SH3RF1: variants seen among roughly 807,000 people sequenced by gnomAD.
SH3RF1 encodes SH3 domain containing ring finger 1, also known as E3 ubiquitin-protein ligase SH3RF1.
A neutral mutation model predicts 74.0 loss-of-function variants in SH3RF1; 32 were observed. The observed-to-expected ratio is 0.43, with a 90% confidence interval of 0.33 to 0.58. The LOEUF (loss-of-function observed/expected upper bound fraction) is 0.58. SH3RF1 is among the 20% of genes least tolerant of loss of function. The pLI, the probability that SH3RF1 is intolerant of heterozygous loss-of-function variation, is 0.05. For missense variants in SH3RF1, 954 were observed against 1,130.9 expected, an observed-to-expected ratio of 0.84 and a Z score of 2.24; for synonymous variants, 396 against 439.6, an observed-to-expected ratio of 0.90 and a Z score of 1.24.
At chr4:169,186,147 A>G (rs1420930731) in intron 2 of SH3RF1, among the ~76,000 whole-genome samples, 1 of 152,208 alleles carries the variant, frequency 6.6e-6, no homozygotes, top group Non-Finnish European at 1.5e-5. Context: ...TAAAGGAATG[A>G]TAACTTCTCC....
intron 2 of SH3RF1, among the ~76,000 whole-genome samples, chr4:169,184,902 A>C (rs1187008474): frequency 6.6e-6 from 1 of 152,166 alleles, no homozygotes; most frequent in Admixed American, 6.5e-5. Flanking sequence ...CTGTGAGATA[A>C]ACGGTTTTAT....
intron 11 of SH3RF1, among the ~76,000 whole-genome samples, chr4:169,102,102 C>T (rs1733047631): frequency 6.6e-6 from 1 of 152,204 alleles, no homozygotes. Flanking sequence ...GGGAGGCACT[C>T]AGTTCATCAC....
intron 2 of SH3RF1, among the ~76,000 whole-genome samples, chr4:169,227,778 C>G (rs1730675091): frequency 6.6e-6 from 1 of 152,172 alleles, no homozygotes; most frequent in African/African-American, 2.4e-5. Flanking sequence ...GACCCAGTTA[C>G]TTTTAAGAGG....
chr4:169,204,140 G>A (rs1046722079), intron 2 of SH3RF1: 9 of 152,162 alleles, frequency 5.9e-5, no homozygotes, highest in Admixed American at 4.6e-4. Flanking sequence ...TATCAAATGA[G>A]ATGAGGTAAA....
intron 2 of SH3RF1, among the ~76,000 whole-genome samples, chr4:169,218,131 T>C (rs1395218718): frequency 6.8e-6 from 1 of 147,916 alleles, no homozygotes; most frequent in Non-Finnish European, 1.5e-5. Flanking sequence ...AAGTGTGTAA[T>C]ATATATTATT....
chr4:169,214,181 T>C (rs545061646), intron 2 of SH3RF1, among the ~76,000 whole-genome samples: 2 of 152,302 alleles, frequency 1.3e-5, no homozygotes, highest in East Asian at 3.9e-4. Context: ...GTCCTTGCAA[T>C]AATGAGTGAG....
chr4:169,118,548 C>T (rs1354224087), intron 8 of SH3RF1, among the ~76,000 whole-genome samples: 1 of 152,100 alleles, frequency 6.6e-6, no homozygotes. Flanking sequence ...CTCTGCCTCT[C>T]AGGTTCAAGT....
At position 169,095,072 on chromosome 4, in the gene SH3RF1, A is replaced by G. The variant is rs1732892314; in HGVS notation, c.*1447T>C. Reference sequence around the variant, plus strand: ...GTAATGAAATCGGTGGGAGAGGCCAATGACATCAAGGAATGGATATAAAAA... The same window carrying G: ...GTAATGAAATCGGTGGGAGAGGCCAGTGACATCAAGGAATGGATATAAAAA... On this transcript the variant is annotated 3_prime_UTR_variant, in exon 12 of 12. Transcript: ENST00000284637. 1 of 152,606 alleles carries G rather than the reference A, an allele frequency of 6.6e-6. No individual in the cohort carries two copies. Among genetic ancestry groups the G allele is most frequent in the Non-Finnish European group, 1.5e-5 (1 of 68,038 alleles). 9.5% of individuals were successfully genotyped at this position (152,606 alleles called of 1,614,324 possible).
chr4:169,159,291 G>A (rs1465723038), intron 2 of SH3RF1, among the ~76,000 whole-genome samples: 2 of 152,114 alleles, frequency 1.3e-5, no homozygotes, highest in African/African-American at 4.8e-5. Context: ...ACTATATTAT[G>A]TATTTCTTCA....
chr4:169,220,285 T>A (rs982585252), intron 2 of SH3RF1: 1 of 152,210 alleles, frequency 6.6e-6, no homozygotes, highest in South Asian at 2.1e-4. Flanking sequence ...AAATGTCAAG[T>A]GGTGTCCACA....
chr4:169,135,494 G>C (rs1733684877), intron 5 of SH3RF1, among the ~76,000 whole-genome samples: 1 of 152,148 alleles, frequency 6.6e-6, no homozygotes, highest in South Asian at 2.1e-4. Flanking sequence ...TGACCTTTAA[G>C]TTGAACAAAA....
chr4:169,130,407 C>A (rs1733595939), intron 5 of SH3RF1, among the ~76,000 whole-genome samples: 1 of 152,090 alleles, frequency 6.6e-6, no homozygotes, highest in Admixed American at 6.5e-5. Context: ...CTACAGAATT[C>A]AACTGCCATT....
chr4:169,219,384 G>C (rs73863696), intron 2 of SH3RF1, among the ~76,000 whole-genome samples: 7,547 of 152,170 alleles, frequency 0.05, 332 homozygotes, highest in Admixed American at 0.15. Context: ...GGTATTTGGC[G>C]TAACAAACTC....
At chr4:169,248,909 A>G (rs1461117249) in intron 2 of SH3RF1, among the ~76,000 whole-genome samples, 1 of 152,170 alleles carries the variant, frequency 6.6e-6, no homozygotes, top group African/African-American at 2.4e-5. Context: ...TGCCAATGTG[A>G]TGGTATTAAG....
chr4:169,181,141 T>C (rs1734503618), intron 2 of SH3RF1, among the ~76,000 whole-genome samples: 1 of 152,154 alleles, frequency 6.6e-6, no homozygotes, highest in Non-Finnish European at 1.5e-5. Flanking sequence ...TAATAGCCTT[T>C]CTGTGTAATT....
chr4:169,252,356 T>G lies in SH3RF1; in HGVS notation c.393+16464A>C, dbSNP rs188015727. On this transcript the variant is annotated intron_variant, in intron 2 of 11. Transcript: ENST00000284637. ...TCACATATTTTTCCCCAAGGTAATG[T>G]GTCAAAAATTTACTTTCTGGAGTCA... is the stretch of plus-strand genomic sequence containing the variant. Among the ~76,000 whole-genome samples the G allele has an allele frequency of 9.2e-3, 1,398 of 152,358 alleles. 9 individuals are homozygous for G. Among genetic ancestry groups the G allele is most frequent in the Admixed American group, 0.013 (201 of 15,302 alleles).
chr4:169,261,265 G>A (rs1731275082), intron 2 of SH3RF1, among the ~76,000 whole-genome samples: 1 of 152,214 alleles, frequency 6.6e-6, no homozygotes, highest in Admixed American at 6.5e-5. Context: ...AAGCTAAGGA[G>A]AGTCTGCTTT....
intron 2 of SH3RF1, among the ~76,000 whole-genome samples, chr4:169,197,881 A>G (rs1369923827): frequency 2.0e-5 from 3 of 152,134 alleles, no homozygotes; most frequent in African/African-American, 7.2e-5. Context: ...CCAGATTATA[A>G]TAAGACTCTG....
In SH3RF1 at chr4:169,229,425, G is replaced by A. The variant is rs191082103; in HGVS notation, c.393+39395C>T. On this transcript the variant is annotated intron_variant, in intron 2 of 11. Coordinates refer to ENST00000284637, the MANE Select transcript of SH3RF1 (RefSeq NM_020870.4). The stretch of plus-strand genomic sequence containing the variant: ...TGTCTTTTTTTTTGTGTCCCAAATT[G>A]TGTTCCTTAGAACACCTGGAAACAT... Among the ~76,000 whole-genome samples the A allele has an allele frequency of 2.7e-4, 41 of 149,602 alleles. No individual in the cohort carries two copies. In the East Asian group the frequency reaches 8.0e-3, roughly 29 times the overall value.
Sources: gnomAD v4.1 joint callset for allele counts (sites outside exome capture counted in the v4.1 genomes callset) on GRCh38, gnomAD v4.1.1 for gene constraint, MANE v1.5 for transcripts, NCBI Gene and HGNC (gene_info 2026-07-23, HGNC 2026-07-21) for gene names.